MAPK8: variants seen among roughly 807,000 people sequenced by gnomAD.
The protein encoded by MAPK8 is mitogen-activated protein kinase 8, also known as JUN N-terminal kinase.
A neutral mutation model predicts 52.9 loss-of-function variants in MAPK8; 13 were observed. That is an observed-to-expected ratio of 0.25 (90% CI 0.16 to 0.39). The LOEUF (loss-of-function observed/expected upper bound fraction) is 0.39, where lower values mean the gene tolerates loss of function less well. Among genes scored for constraint, MAPK8 ranks in the 10% least tolerant of loss-of-function variants. The pLI, the probability that MAPK8 is intolerant of heterozygous loss-of-function variation, is 1.00. For synonymous variants in MAPK8, 191 were observed against 169.8 expected (o/e 1.12, Z -0.97); for missense variants, 300 against 519.2 (o/e 0.58, Z 4.10).
chr10:48,317,042 C>T (rs1339183068), intron 1 of MAPK8, among the ~76,000 whole-genome samples: 1 of 152,120 alleles, frequency 6.6e-6, no homozygotes, highest in Admixed American at 6.5e-5. Context: ...ACAAGGTGGG[C>T]ACTGTTACTC....
At chr10:48,379,938 T>TAAAAAAAA (rs373050540) in intron 1 of MAPK8, among the ~76,000 whole-genome samples, 3 of 115,916 alleles carry the variant, frequency 2.6e-5, no homozygotes, top group African/African-American at 3.4e-5. Context: ...ACAAAGCTCT[T>TAAAAAAAA]AAAAAAAAAA....
At chr10:48,371,543 G>T (rs942090460) in intron 1 of MAPK8, among the ~76,000 whole-genome samples, 4 of 152,086 alleles carry the variant, frequency 2.6e-5, no homozygotes. Flanking sequence ...GGATATGGGG[G>T]TTGGTGGGGA....
intron 1 of MAPK8, among the ~76,000 whole-genome samples, chr10:48,318,295 GT>G (rs900813470): frequency 1.3e-5 from 2 of 152,162 alleles, no homozygotes; most frequent in Non-Finnish European, 2.9e-5. Context: ...AAACTTGACT[GT>G]TTGTAGATAT....
At chr10:48,429,157 C>G (rs2043951304) in intron 10 of MAPK8, among the ~76,000 whole-genome samples, 1 of 152,054 alleles carries the variant, frequency 6.6e-6, no homozygotes, top group Non-Finnish European at 1.5e-5. Flanking sequence ...GAGATGGGGT[C>G]TCACTGTGTT....
intron 2 of MAPK8, among the ~76,000 whole-genome samples, chr10:48,403,264 C>T (rs1264400369): frequency 1.3e-5 from 2 of 152,082 alleles, no homozygotes; most frequent in African/African-American, 2.4e-5. Context: ...TCAAGACCAG[C>T]CTGGCCAACA....
At chr10:48,425,864 T>C (rs1240522161) in intron 7 of MAPK8, 24 bp from the exon 8 acceptor site, 1 of 952,890 alleles carries the variant, frequency 1.0e-6, no homozygotes, top group Admixed American at 2.4e-5. Flanking sequence ...TTATGGAGTA[T>C]TTTTCTTAGC....
At chr10:48,379,463 A>G (rs1365299869) in intron 1 of MAPK8, among the ~76,000 whole-genome samples, 2 of 152,202 alleles carry the variant, frequency 1.3e-5, no homozygotes, top group African/African-American at 4.8e-5. Context: ...ACAAACAACT[A>G]TATTGTCATA....
chr10:48,424,485 A>C, intron 7 of MAPK8: 1 of 1,416,198 alleles, frequency 7.1e-7, no homozygotes, highest in Non-Finnish European at 9.7e-7. Context: ...CAAAATCTTT[A>C]TGTTAATGTC....
intron 5 of MAPK8, among the ~76,000 whole-genome samples, chr10:48,419,783 G>GC (rs1366157003): frequency 3.9e-5 from 6 of 151,964 alleles, no homozygotes; most frequent in Non-Finnish European, 7.4e-5. Context: ...TAAAAATATT[G>GC]GTAATATGTT....
chr10:48,323,423 A>C (rs1843180954), intron 1 of MAPK8, among the ~76,000 whole-genome samples: 1 of 152,198 alleles, frequency 6.6e-6, no homozygotes. Flanking sequence ...TGAAGGAGTC[A>C]ACTTTGGGGC....
At chr10:48,349,978 A>G (rs779450328) in intron 1 of MAPK8, among the ~76,000 whole-genome samples, 2 of 152,242 alleles carry the variant, frequency 1.3e-5, no homozygotes, top group Non-Finnish European at 2.9e-5. Context: ...GTCAGAGAAT[A>G]CTATAAACAC....
chr10:48,424,405 T>C (rs1162158988), intron 7 of MAPK8: 5 of 743,326 alleles, frequency 6.7e-6, no homozygotes, highest in Non-Finnish European at 1.1e-5. Context: ...TATTTTATAC[T>C]GCTTTTTATA....
intron 1 of MAPK8, among the ~76,000 whole-genome samples, chr10:48,356,999 G>T (rs1158726971): frequency 6.6e-6 from 1 of 151,160 alleles, no homozygotes; most frequent in African/African-American, 2.4e-5. Context: ...GCAAAAATCG[G>T]ATTGTTTTTT....
chr10:48,326,660 TTA>T (rs1168588622), intron 1 of MAPK8, among the ~76,000 whole-genome samples: 2 of 152,214 alleles, frequency 1.3e-5, no homozygotes, highest in Non-Finnish European at 2.9e-5. Flanking sequence ...GTATTTAATA[TTA>T]TATATCAGTA....
Position 48,354,393 on chromosome 10 carries a change from G to A in MAPK8, c.-49-47219G>A, listed in dbSNP as rs79841451. ...CTTTCTGGGATGATGAATCTGATAC[G>A]TTCTTCCTCTTCACCTTAAAGCTGA... On this transcript the variant is annotated intron_variant, in intron 1 of 11. Coordinates refer to ENST00000374189, the MANE Select transcript of MAPK8 (RefSeq NM_001323329.2). Among the ~76,000 whole-genome samples the A allele has an allele frequency of 5.9e-3, 895 of 152,240 alleles. 46 individuals are homozygous for A. In the East Asian group the frequency reaches 0.12, roughly 21 times the overall value.
chr10:48,330,124 G>A (rs866615096), intron 1 of MAPK8, among the ~76,000 whole-genome samples: 17 of 152,122 alleles, frequency 1.1e-4, no homozygotes, highest in Non-Finnish European at 2.2e-4. Context: ...ATTAGCTTAC[G>A]TTAATTGAGG....
chr10:48,379,022 C>T (rs1164651607), intron 1 of MAPK8, among the ~76,000 whole-genome samples: 2 of 152,304 alleles, frequency 1.3e-5, no homozygotes, highest in South Asian at 2.1e-4. Flanking sequence ...GCATAAAGTG[C>T]AGCAAGAGTA....
At chr10:48,357,914 T>C (rs1012419624) in intron 1 of MAPK8, among the ~76,000 whole-genome samples, 5 of 152,252 alleles carry the variant, frequency 3.3e-5, no homozygotes, top group Admixed American at 6.5e-5. Flanking sequence ...TGTCTCTGGG[T>C]TTGTCTTTTT....
chr10:48,414,600 A>T (rs1244828693), intron 5 of MAPK8, among the ~76,000 whole-genome samples: 1 of 117,236 alleles, frequency 8.5e-6, no homozygotes, highest in African/African-American at 3.4e-5. Context: ...TTTTTGAGAC[A>T]GGGTCTCTGT....
Sources: allele counts gnomAD v4.1 joint callset (sites outside exome capture counted in the v4.1 genomes callset), GRCh38; gene constraint gnomAD v4.1.1; transcripts MANE v1.5; gene names NCBI Gene and HGNC (gene_info 2026-07-23, HGNC 2026-07-21).